Variants in FBXO36 observed in about 807,000 individuals in gnomAD.
FBXO36 encodes F-box protein 36.
Under a neutral mutation model 17.0 loss-of-function variants are expected in FBXO36, and 18 were observed. The ratio of observed to expected loss-of-function variants is 1.06; its 90% CI spans 0.73 to 1.57. The LOEUF (loss-of-function observed/expected upper bound fraction) is 1.57. FBXO36 is among the 40% of genes most tolerant of loss of function. The pLI is 0.00. For missense variants in FBXO36, 229 were observed against 221.9 expected, an observed-to-expected ratio of 1.03 and a Z score of -0.20; for synonymous variants, 83 against 85.3, an observed-to-expected ratio of 0.97 and a Z score of 0.15.
At chr2:229,972,550 G>A (rs2077186046) in intron 1 of FBXO36, among the ~76,000 whole-genome samples, 1 of 152,038 alleles carries the variant, frequency 6.6e-6, no homozygotes, top group Admixed American at 6.6e-5. Context: ...AACAGAGGGA[G>A]AGAGGAGGAG....
chr2:229,954,330 C>A (rs2077073618), intron 1 of FBXO36, among the ~76,000 whole-genome samples: 1 of 141,596 alleles, frequency 7.1e-6, no homozygotes, highest in Non-Finnish European at 1.5e-5. Context: ...GCAACCTCCG[C>A]CCCCTGGGTT....
chr2:230,012,482 G>A lies in FBXO36; in HGVS notation c.*1598G>A, dbSNP rs142638322. On this transcript the variant is annotated 3_prime_UTR_variant, in exon 4 of 4. Transcript: ENST00000283946. The stretch of plus-strand genomic sequence containing the variant: ...CTTCCCAGCAGATGAGGAGCCTGAC[G>A]TGGTTATGTCTGGATTTAGTCCAAG... 2.0e-4 allele frequency: 29 copies of A among 147,226 alleles called. No individual in the cohort carries two copies. The East Asian group carries it at 4.8e-3, about 24-fold the overall frequency. The allele number at this position is 147,226 out of a possible 1,614,324, so 9.1% of individuals were successfully genotyped here.
At chr2:229,984,853 G>A (rs2077260322) in intron 2 of FBXO36, among the ~76,000 whole-genome samples, 1 of 152,120 alleles carries the variant, frequency 6.6e-6, no homozygotes, top group African/African-American at 2.4e-5. Flanking sequence ...AGGTTTTGCT[G>A]TTCTCACTGA....
intron 3 of FBXO36, among the ~76,000 whole-genome samples, chr2:230,002,378 G>A (rs573050413): frequency 1.3e-5 from 2 of 150,030 alleles, no homozygotes; most frequent in Non-Finnish European, 3.0e-5. Flanking sequence ...CCCCCCGTAC[G>A]TTAATTTTTT....
chr2:230,005,245 G>A (rs1017942583), intron 3 of FBXO36, among the ~76,000 whole-genome samples: 2 of 151,970 alleles, frequency 1.3e-5, no homozygotes. Context: ...GGGACTACAG[G>A]TGCACACCAC....
intron 3 of FBXO36, among the ~76,000 whole-genome samples, chr2:230,004,126 T>C (rs1428973651): frequency 6.6e-6 from 1 of 152,224 alleles, no homozygotes; most frequent in Non-Finnish European, 1.5e-5. Context: ...TGTGCTCTAC[T>C]GTGCCTTTTG....
chr2:229,935,345 G>A (rs1445713728), intron 1 of FBXO36, among the ~76,000 whole-genome samples: 2 of 152,190 alleles, frequency 1.3e-5, no homozygotes, highest in East Asian at 3.9e-4. Context: ...ACACCACCGT[G>A]TGATAACAAT....
intron 3 of FBXO36, among the ~76,000 whole-genome samples, chr2:230,000,631 G>A (rs1346572954): frequency 6.6e-6 from 1 of 151,912 alleles, no homozygotes; most frequent in Non-Finnish European, 1.5e-5. Context: ...TTCTCTCCAA[G>A]TTTTACTCAC....
chr2:230,010,564 G>A, intron 3 of FBXO36, 132 bp from the exon 4 acceptor site: 1 of 716,402 alleles, frequency 1.4e-6, no homozygotes. Context: ...TTTCCTCAAA[G>A]AGGAGGTTTC....
intron 1 of FBXO36, among the ~76,000 whole-genome samples, chr2:229,947,344 AT>A (rs2077032375): frequency 6.6e-6 from 1 of 152,214 alleles, no homozygotes; most frequent in Non-Finnish European, 1.5e-5. Flanking sequence ...GGAGGGATTC[AT>A]TTTAGCAGTC....
chr2:229,930,860 T>G (rs1207164540), intron 1 of FBXO36, among the ~76,000 whole-genome samples: 1 of 152,176 alleles, frequency 6.6e-6, no homozygotes, highest in Non-Finnish European at 1.5e-5. Flanking sequence ...TTTTCCCTCC[T>G]GCTGTCATTT....
intron 2 of FBXO36, among the ~76,000 whole-genome samples, chr2:229,990,936 CT>C (rs913273675): frequency 6.6e-5 from 10 of 151,804 alleles, no homozygotes; most frequent in East Asian, 1.9e-4. Flanking sequence ...GGTTTTCTTT[CT>C]TTTTTTTCCC....
chr2:229,948,100 G>T (rs2077036881), intron 1 of FBXO36, among the ~76,000 whole-genome samples: 1 of 151,160 alleles, frequency 6.6e-6, no homozygotes, highest in Non-Finnish European at 1.5e-5. Context: ...GAGTTCAAGA[G>T]CCGCCTAAGT....
At chr2:229,938,452 G>A (rs1213771481) in intron 1 of FBXO36, among the ~76,000 whole-genome samples, 3 of 147,524 alleles carry the variant, frequency 2.0e-5, no homozygotes, top group Admixed American at 1.4e-4. Context: ...GTGAGCCACC[G>A]CGCCAGACCG....
intron 1 of FBXO36, among the ~76,000 whole-genome samples, chr2:229,947,581 G>T (rs1221371508): frequency 6.6e-6 from 1 of 152,212 alleles, no homozygotes; most frequent in Non-Finnish European, 1.5e-5. Flanking sequence ...GCTTGGATCA[G>T]TTTAAGCCCA....
At chr2:229,930,001 CTTATGTA>C (rs2076931363) in intron 1 of FBXO36, among the ~76,000 whole-genome samples, 1 of 152,116 alleles carries the variant, frequency 6.6e-6, no homozygotes, top group African/African-American at 2.4e-5. Context: ...CATACTTGTG[CTTATGTA>C]TTTCCACAGC....
intron 1 of FBXO36, among the ~76,000 whole-genome samples, chr2:229,953,980 C>T (rs990262365): frequency 1.3e-5 from 2 of 152,032 alleles, no homozygotes; most frequent in Admixed American, 6.6e-5. Flanking sequence ...ATACATATGC[C>T]TCAGCCTTCC....
At chr2:230,009,204 G>T (rs923083147) in intron 3 of FBXO36, among the ~76,000 whole-genome samples, 18 of 152,064 alleles carry the variant, frequency 1.2e-4, no homozygotes, top group Non-Finnish European at 2.5e-4. Flanking sequence ...AGCACAACAG[G>T]GCTGGCCAGG....
intron 1 of FBXO36, among the ~76,000 whole-genome samples, chr2:229,958,960 C>T (rs923161564): frequency 2.6e-5 from 4 of 152,184 alleles, no homozygotes; most frequent in South Asian, 2.1e-4. Flanking sequence ...GAAACTCACC[C>T]AAGGTCACCC....
Sources: allele counts gnomAD v4.1 joint callset (sites outside exome capture counted in the v4.1 genomes callset), GRCh38; gene constraint gnomAD v4.1.1; transcripts MANE v1.5; gene names NCBI Gene and HGNC (gene_info 2026-07-23, HGNC 2026-07-21).